Variants in MAGI2 observed in about 807,000 individuals in gnomAD.
The protein encoded by MAGI2 is membrane associated guanylate kinase, WW and PDZ domain containing 2.
A neutral mutation model predicts 133.3 loss-of-function variants in MAGI2; 35 were observed. That is an observed-to-expected ratio of 0.26 (90% CI 0.20 to 0.35). The LOEUF (loss-of-function observed/expected upper bound fraction) is 0.35, where lower values mean the gene tolerates loss of function less well. Among genes scored for constraint, MAGI2 ranks in the 10% least tolerant of loss-of-function variants. The pLI, the probability that MAGI2 is intolerant of heterozygous loss-of-function variation, is 1.00. For missense variants in MAGI2, 1,636 were observed against 1,863.4 expected (o/e 0.88, Z 2.25); for synonymous variants, 729 against 710.6 (o/e 1.03, Z -0.41).
At chr7:78,705,813 G>A (rs1431132320) in intron 2 of MAGI2, among the ~76,000 whole-genome samples, 1 of 152,078 alleles carries the variant, frequency 6.6e-6, no homozygotes, top group African/African-American at 2.4e-5. Flanking sequence ...AAGAGTGACT[G>A]GAAATGAACT....
intron 9 of MAGI2, among the ~76,000 whole-genome samples, chr7:78,297,725 A>G (rs1201278489): frequency 6.6e-6 from 1 of 151,392 alleles, no homozygotes; most frequent in East Asian, 2.0e-4. Flanking sequence ...AAACTGTCAC[A>G]AGAACAAAAA....
intron 1 of MAGI2, among the ~76,000 whole-genome samples, chr7:79,417,908 C>T (rs114352535): frequency 0.011 from 1,620 of 152,080 alleles, 20 homozygotes; most frequent in African/African-American, 0.037. Context: ...TGACAGATAT[C>T]AAAAATTCTA....
At chr7:78,173,625 G>A (rs1197508280) in intron 14 of MAGI2, among the ~76,000 whole-genome samples, 1 of 152,126 alleles carries the variant, frequency 6.6e-6, no homozygotes, top group Non-Finnish European at 1.5e-5. Flanking sequence ...TTTCTTAATG[G>A]GAGAAAGGAC....
At chr7:79,032,245 G>A (rs184010729) in intron 1 of MAGI2, among the ~76,000 whole-genome samples, 6 of 152,080 alleles carry the variant, frequency 3.9e-5, no homozygotes, top group South Asian at 2.1e-4. Flanking sequence ...GGCCAGGCAC[G>A]GTGGTTCACG....
intron 9 of MAGI2, among the ~76,000 whole-genome samples, chr7:78,330,709 A>G (rs188200589): frequency 3.6e-3 from 541 of 152,190 alleles, no homozygotes; most frequent in Admixed American, 8.8e-3. Flanking sequence ...TTATGAACTA[A>G]GCCTTGGGGA....
intron 1 of MAGI2, among the ~76,000 whole-genome samples, chr7:79,376,799 C>A (rs903262329): frequency 1.3e-5 from 2 of 148,422 alleles, no homozygotes; most frequent in Admixed American, 6.7e-5. Context: ...AAAGTGAAAC[C>A]ACAGATAAGA....
At chr7:78,263,289 T>C (rs1197962620) in intron 9 of MAGI2, among the ~76,000 whole-genome samples, 4 of 152,236 alleles carry the variant, frequency 2.6e-5, no homozygotes, top group South Asian at 4.1e-4. Flanking sequence ...TATGAGTGCA[T>C]GTGTCTTTTT....
chr7:78,163,858 G>T (rs1471615217), intron 15 of MAGI2, among the ~76,000 whole-genome samples: 1 of 144,698 alleles, frequency 6.9e-6, no homozygotes, highest in Non-Finnish European at 1.5e-5. Flanking sequence ...AGTGAGCTGA[G>T]ATCGCGCCAC....
chr7:79,260,137 T>C (rs1833970538), intron 1 of MAGI2, among the ~76,000 whole-genome samples: 1 of 152,208 alleles, frequency 6.6e-6, no homozygotes, highest in South Asian at 2.1e-4. Context: ...GTGGATCGCT[T>C]GAACTCAGGA....
chr7:78,065,777 A>G (rs1813743713), intron 21 of MAGI2: 2 of 457,078 alleles, frequency 4.4e-6, no homozygotes, highest in Non-Finnish European at 3.8e-6. Flanking sequence ...GAGCAGTTGA[A>G]TAAAAATTAT....
At chr7:78,557,598 A>G (rs542666821) in intron 3 of MAGI2, among the ~76,000 whole-genome samples, 40 of 152,260 alleles carry the variant, frequency 2.6e-4, no homozygotes, top group African/African-American at 8.4e-4. Context: ...CTGACCCACT[A>G]CTATGAAACA....
intron 2 of MAGI2, among the ~76,000 whole-genome samples, chr7:78,984,348 A>G (rs1805054013): frequency 6.6e-6 from 1 of 151,906 alleles, no homozygotes; most frequent in Non-Finnish European, 1.5e-5. Flanking sequence ...TCTGTGTTCA[A>G]AACCATCCAT....
intron 9 of MAGI2, among the ~76,000 whole-genome samples, chr7:78,295,954 T>C (rs942470980): frequency 9.2e-5 from 14 of 152,086 alleles, no homozygotes; most frequent in African/African-American, 2.7e-4. Flanking sequence ...ATTCAAAAAA[T>C]CTACCAGCCA....
chr7:78,302,531 G>C (rs893074587), intron 9 of MAGI2, among the ~76,000 whole-genome samples: 5 of 152,066 alleles, frequency 3.3e-5, no homozygotes, highest in Admixed American at 2.6e-4. Flanking sequence ...TCTCTATTCT[G>C]CTTCTGTGTT....
At chr7:79,046,818 A>G (rs1301954224) in intron 1 of MAGI2, among the ~76,000 whole-genome samples, 1 of 152,160 alleles carries the variant, frequency 6.6e-6, no homozygotes, top group African/African-American at 2.4e-5. Flanking sequence ...AGTACCAAAT[A>G]TTTTCTAAAA....
At chr7:79,228,314 G>A in intron 1 of MAGI2, among the ~76,000 whole-genome samples, 1 of 110,850 alleles carries the variant, frequency 9.0e-6, no homozygotes, top group Non-Finnish European at 1.8e-5. Context: ...CTGCACCCCA[G>A]GCTGGGTGAC....
At chr7:78,857,967 T>A (rs1344856900) in intron 2 of MAGI2, among the ~76,000 whole-genome samples, 2 of 152,228 alleles carry the variant, frequency 1.3e-5, no homozygotes. Flanking sequence ...AGCTTCTTCC[T>A]GGTTTAGTCT....
chr7:78,967,456 C>A (rs1371752108), intron 2 of MAGI2, among the ~76,000 whole-genome samples: 1 of 151,886 alleles, frequency 6.6e-6, no homozygotes, highest in African/African-American at 2.4e-5. Flanking sequence ...TCATTGTAGT[C>A]CACTTGTCTA....
chr7:79,413,875 A>T (rs1187571851), intron 1 of MAGI2: 1 of 151,454 alleles, frequency 6.6e-6, no homozygotes, highest in Non-Finnish European at 1.5e-5. Flanking sequence ...CATCTATACC[A>T]CTCCTTTGTC....
Sources: gnomAD v4.1 joint callset for allele counts (sites outside exome capture counted in the v4.1 genomes callset) on GRCh38, gnomAD v4.1.1 for gene constraint, MANE v1.5 for transcripts, NCBI Gene and HGNC (gene_info 2026-07-23, HGNC 2026-07-21) for gene names.